Variants in SUMF1 observed in about 807,000 individuals in gnomAD.
The protein encoded by SUMF1 is sulfatase modifying factor 1.
A neutral mutation model predicts 47.6 loss-of-function variants in SUMF1; 48 were observed. The ratio of observed to expected loss-of-function variants is 1.01; its 90% CI spans 0.80 to 1.28. The LOEUF (loss-of-function observed/expected upper bound fraction) is 1.28. Among genes scored for constraint, SUMF1 ranks in the 50% most tolerant of loss-of-function variants. The pLI is 0.00. For missense variants in SUMF1, 571 were observed against 485.4 expected (o/e 1.18, Z -1.66); for synonymous variants, 230 against 192.1 (o/e 1.20, Z -1.63).
chr3:4,411,441 C>T (rs367617946), intron 6 of SUMF1, among the ~76,000 whole-genome samples: 1 of 152,130 alleles, frequency 6.6e-6, no homozygotes, highest in East Asian at 1.9e-4. Context: ...CTGTCCTCTC[C>T]ACAAGTTTCT....
rs75285096 is a variant in SUMF1, at chr3:4,157,622, C to A, written c.1015-88877G>T. Reference sequence around the variant, plus strand: ...AATGAGTCCATGGATTTCTTCTTCCCTGTGTTCTTCTCTCTAATCATCAGA... The same window carrying A: ...AATGAGTCCATGGATTTCTTCTTCCATGTGTTCTTCTCTCTAATCATCAGA... On this transcript the variant is annotated intron_variant and NMD_transcript_variant, in intron 8 of 12. Coordinates refer to the SUMF1 transcript ENST00000448413. 1.4e-4 allele frequency among the ~76,000 whole-genome samples: 21 copies of A among 151,622 alleles called. No individual in the cohort carries two copies. In the East Asian group the frequency reaches 2.3e-3, roughly 17 times the overall value.
intron 8 of SUMF1, among the ~76,000 whole-genome samples, chr3:4,304,282 C>CA (rs1327071281): frequency 6.6e-6 from 1 of 152,202 alleles, no homozygotes; most frequent in African/African-American, 2.4e-5. Context: ...GCTGGGATTA[C>CA]AGGCATGGGC....
At chr3:4,261,686 T>C (rs1214230234) in intron 8 of SUMF1, among the ~76,000 whole-genome samples, 1 of 152,156 alleles carries the variant, frequency 6.6e-6, no homozygotes. Flanking sequence ...GTCAGGAGCG[T>C]GAAGGACATC....
intron 7 of SUMF1, among the ~76,000 whole-genome samples, chr3:4,390,275 G>A (rs1700815920): frequency 6.6e-6 from 1 of 152,116 alleles, no homozygotes; most frequent in Non-Finnish European, 1.5e-5. Context: ...TATACAGCAA[G>A]GTAGGGGTAA....
At chr3:4,422,656 G>A (rs979466206) in intron 3 of SUMF1, among the ~76,000 whole-genome samples, 3 of 152,072 alleles carry the variant, frequency 2.0e-5, no homozygotes, top group African/African-American at 7.2e-5. Flanking sequence ...GACAGTACAT[G>A]GTGGAGTGGA....
At chr3:4,267,644 A>G (rs754506815) in intron 8 of SUMF1, among the ~76,000 whole-genome samples, 1 of 152,000 alleles carries the variant, frequency 6.6e-6, no homozygotes, top group Admixed American at 6.6e-5. Context: ...AATGCTCACC[A>G]TAACTGGCCA....
Position 4,118,115 on chromosome 3 carries a change from A to G in SUMF1, c.1015-49370T>C, listed in dbSNP as rs753772253. ...GTAGGGTAAATGAGAATTCATTTGC[A>G]TAAGTAAATAGGACCCTCCTCTCCC... On this transcript the variant is annotated intron_variant and NMD_transcript_variant, in intron 8 of 12. Transcript: ENST00000448413. Among the ~76,000 whole-genome samples the G allele has an allele frequency of 1.2e-4, 18 of 152,236 alleles. No homozygotes were observed. The East Asian group carries it at 3.5e-3, about 29-fold the overall frequency.
At chr3:4,336,513 T>C (rs1363056668) in intron 8 of SUMF1, among the ~76,000 whole-genome samples, 1 of 152,182 alleles carries the variant, frequency 6.6e-6, no homozygotes, top group African/African-American at 2.4e-5. Context: ...GAAAAAAGTA[T>C]TGGTGGCTTG....
chr3:4,437,330 A>T (rs930011917), intron 3 of SUMF1, among the ~76,000 whole-genome samples: 19 of 152,214 alleles, frequency 1.2e-4, no homozygotes, highest in Admixed American at 7.9e-4. Context: ...AATAAATGTT[A>T]AACTTTATAC....
intron 8 of SUMF1, among the ~76,000 whole-genome samples, chr3:4,090,293 C>T (rs561182383): frequency 1.3e-5 from 2 of 152,214 alleles, no homozygotes; most frequent in African/African-American, 4.8e-5. Flanking sequence ...TCCCCCATGT[C>T]TGCATGGGTT....
intron 9 of SUMF1, among the ~76,000 whole-genome samples, chr3:4,042,348 T>G (rs1694922093): frequency 1.3e-5 from 2 of 152,172 alleles, no homozygotes; most frequent in African/African-American, 4.8e-5. Context: ...TGCTTGTTTG[T>G]TTTTAAAAAA....
intron 8 of SUMF1, chr3:4,068,781 T>A: frequency 3.2e-6 from 1 of 314,702 alleles, no homozygotes; most frequent in South Asian, 2.6e-5. Context: ...GAAGAAATAA[T>A]AATAACATGA....
At chr3:4,313,610 G>C (rs1168581220) in intron 8 of SUMF1, 1 of 1,614,098 alleles carries the variant, frequency 6.2e-7, no homozygotes. Flanking sequence ...TGTTACTGTG[G>C]TGCCAAATCA....
At chr3:4,332,009 A>C (rs1031609684) in intron 8 of SUMF1, among the ~76,000 whole-genome samples, 4 of 152,190 alleles carry the variant, frequency 2.6e-5, no homozygotes, top group African/African-American at 4.8e-5. Flanking sequence ...TTTACCAATA[A>C]TTTTTAAATT....
rs1334585480 is a variant in SUMF1 at position 4,467,064 on chromosome 3, T to C, written c.182A>G (p.His61Arg). 1.3e-6 allele frequency: 2 copies of C among 1,566,776 alleles called. No individual in the cohort carries two copies. The highest frequency in any genetic ancestry group is 1.9e-5 in the Admixed American group (1 of 53,026). Residue 61 changes from histidine to arginine, a missense_variant, in exon 1 of 9, where the codon CAT becomes CGT. His to Arg is a conservative substitution (Grantham distance 29). Coordinates refer to ENST00000272902, the MANE Select transcript of SUMF1 (RefSeq NM_182760.4). ...TCGGTGAGCGGCTGCCGAACTGCCATGGGCGCCAGGCCGCTGGGGCGTGCC... is the reference window on the plus strand; with the variant it reads ...TCGGTGAGCGGCTGCCGAACTGCCACGGGCGCCAGGCCGCTGGGGCGTGCC... ...GCGTPQRPGA[H>R]GSSAAAHRYS... is the part of the protein sequence containing the mutation.
At chr3:4,171,245 G>A (rs904549536) in intron 8 of SUMF1, among the ~76,000 whole-genome samples, 6 of 152,116 alleles carry the variant, frequency 3.9e-5, no homozygotes, top group Non-Finnish European at 7.4e-5. Flanking sequence ...GATGCTCTGC[G>A]ATCTATACCA....
At chr3:4,332,413 A>C in intron 8 of SUMF1, among the ~76,000 whole-genome samples, 1 of 152,238 alleles carries the variant, frequency 6.6e-6, no homozygotes, top group East Asian at 1.9e-4. Context: ...GCACAGAGCT[A>C]AGGCATTAGG....
rs961311072 is a variant in SUMF1, at chr3:4,099,468, A to G, written c.1015-30723T>C. ...TATAGAAGAAATGTTCCTCAACACA[A>G]TAAAGGCTATATATGACAAGCCTAC... On this transcript the variant is annotated intron_variant and NMD_transcript_variant, in intron 8 of 12. Transcript: ENST00000448413. Among the ~76,000 whole-genome samples the G allele has an allele frequency of 3.9e-5, 6 of 152,142 alleles. No individual in the cohort carries two copies. In the East Asian group the frequency reaches 5.8e-4, roughly 15 times the overall value.
At chr3:4,355,666 G>A (rs1164981323) in intron 8 of SUMF1, among the ~76,000 whole-genome samples, 1 of 152,198 alleles carries the variant, frequency 6.6e-6, no homozygotes, top group Non-Finnish European at 1.5e-5. Context: ...AAGCTAATAT[G>A]CTAGAAAAGA....
Sources: gnomAD v4.1 joint callset for allele counts (sites outside exome capture counted in the v4.1 genomes callset) on GRCh38, gnomAD v4.1.1 for gene constraint, MANE v1.5 for transcripts, NCBI Gene and HGNC (gene_info 2026-07-23, HGNC 2026-07-21) for gene names.